Variants in GRIK2 observed in about 807,000 individuals in gnomAD.
GRIK2 encodes the protein glutamate receptor ionotropic, kainate 2.
In GRIK2, 32 loss-of-function variants were observed where a neutral mutation model predicts 100.3. The observed-to-expected ratio is 0.32, with a 90% CI of 0.24 to 0.43. The LOEUF is 0.43. GRIK2 is among the 20% of genes least tolerant of loss of function. The pLI is 1.00. For missense variants in GRIK2, 843 were observed against 1,114.9 expected (o/e 0.76, Z 3.47); for synonymous variants, 417 against 389.4 (o/e 1.07, Z -0.83).
At chr6:101,791,288 A>C (rs564518431) in intron 7 of GRIK2, among the ~76,000 whole-genome samples, 2 of 151,838 alleles carry the variant, frequency 1.3e-5, no homozygotes, top group Admixed American at 6.6e-5. Flanking sequence ...TGGTTCTTTT[A>C]ATTGTGATGT....
intron 2 of GRIK2, among the ~76,000 whole-genome samples, chr6:101,462,312 C>A (rs1166336181): frequency 6.6e-6 from 1 of 152,022 alleles, no homozygotes; most frequent in Admixed American, 6.6e-5. Flanking sequence ...GATGACTGAC[C>A]ATGGGGAGTG....
chr6:101,761,740 C>T (rs1273857584), intron 7 of GRIK2, among the ~76,000 whole-genome samples: 1 of 151,590 alleles, frequency 6.6e-6, no homozygotes, highest in African/African-American at 2.4e-5. Context: ...AAGATTTTAC[C>T]TAATCAGATT....
Position 101,718,622 on chromosome 6 carries a change from A to T in GRIK2, c.951+32269A>T, listed in dbSNP as rs561068340. Among the ~76,000 whole-genome samples the T allele has an allele frequency of 1.4e-4, 21 of 152,036 alleles. No homozygotes were observed. The South Asian group carries it at 4.4e-3, about 32-fold the overall frequency. On this transcript the variant is annotated intron_variant, in intron 7 of 16. Coordinates refer to ENST00000369134, the MANE Select transcript of GRIK2 (RefSeq NM_021956.5). ...ATCTAGACTGTGTCCCTTCCAGTGTATTGTGAAAAATCTTCGAGAGATCAT... is the reference window on the plus strand; with the variant it reads ...ATCTAGACTGTGTCCCTTCCAGTGTTTTGTGAAAAATCTTCGAGAGATCAT...
At chr6:101,741,186 G>A (rs1480562936) in intron 7 of GRIK2, among the ~76,000 whole-genome samples, 4 of 152,172 alleles carry the variant, frequency 2.6e-5, no homozygotes, top group African/African-American at 9.7e-5. Flanking sequence ...ACTGAGGTAT[G>A]GCCTAAGTGT....
intron 12 of GRIK2, among the ~76,000 whole-genome samples, chr6:101,919,065 A>T (rs2128468371): frequency 6.6e-6 from 1 of 151,874 alleles, no homozygotes; most frequent in South Asian, 2.1e-4. Flanking sequence ...GGGCCAGTCT[A>T]CATAATAGTT....
intron 2 of GRIK2, among the ~76,000 whole-genome samples, chr6:101,406,086 T>C (rs2128236843): frequency 6.6e-6 from 1 of 152,288 alleles, no homozygotes. Flanking sequence ...TATTTGCCTC[T>C]TGCCTCACAC....
At chr6:102,025,877 TA>T (rs1769670280) in intron 14 of GRIK2, among the ~76,000 whole-genome samples, 1 of 150,858 alleles carries the variant, frequency 6.6e-6, no homozygotes, top group South Asian at 2.1e-4. Flanking sequence ...AATTATTAAA[TA>T]GAATAAGTTG....
At chr6:101,912,572 C>T (rs1788813608) in intron 12 of GRIK2, among the ~76,000 whole-genome samples, 1 of 151,542 alleles carries the variant, frequency 6.6e-6, no homozygotes, top group Non-Finnish European at 1.5e-5. Context: ...CATTGATAGC[C>T]AAAATCCTGC....
chr6:101,848,301 T>C (rs911555795), intron 10 of GRIK2, among the ~76,000 whole-genome samples: 11 of 149,788 alleles, frequency 7.3e-5, no homozygotes, highest in African/African-American at 2.7e-4. Context: ...TAAAAATTGA[T>C]TCTGATGGTT....
At chr6:101,734,991 A>C (rs1356535357) in intron 7 of GRIK2, among the ~76,000 whole-genome samples, 2 of 152,108 alleles carry the variant, frequency 1.3e-5, no homozygotes, top group Non-Finnish European at 2.9e-5. Flanking sequence ...ATATGAGGAG[A>C]GAATAAAAGG....
At chr6:101,727,970 A>G (rs528889960) in intron 7 of GRIK2, among the ~76,000 whole-genome samples, 78 of 152,198 alleles carry the variant, frequency 5.1e-4, no homozygotes, top group Middle Eastern at 3.4e-3. Context: ...TAAATGCATC[A>G]AAGCCTAATT....
At chr6:101,596,334 A>T (rs1322257171) in intron 2 of GRIK2, among the ~76,000 whole-genome samples, 1 of 151,072 alleles carries the variant, frequency 6.6e-6, no homozygotes, top group Non-Finnish European at 1.5e-5. Context: ...ATCACCTAGA[A>T]ATTTACCTTT....
rs1783380150 is a variant in GRIK2 at position 101,839,753 on chromosome 6, GA to G, written c.1318-19532del. 3.3e-5 allele frequency among the ~76,000 whole-genome samples: 5 copies of G among 152,220 alleles called. No individual in the cohort carries two copies. The South Asian group carries it at 8.3e-4, about 25-fold the overall frequency. On this transcript the variant is annotated intron_variant, in intron 10 of 16. Transcript: ENST00000369134. ...TTTGTAAGATATATGGGGGAAAAAT[GA>G]AGAATATATCATTTGCAAATTGGAC...
intron 14 of GRIK2, among the ~76,000 whole-genome samples, chr6:101,979,253 G>C (rs1793576452): frequency 6.6e-6 from 1 of 151,988 alleles, no homozygotes; most frequent in South Asian, 2.1e-4. Context: ...TTTAGTAATG[G>C]CAATGCTCAG....
At chr6:101,789,953 A>T (rs1438950333) in intron 7 of GRIK2, among the ~76,000 whole-genome samples, 1 of 152,068 alleles carries the variant, frequency 6.6e-6, no homozygotes, top group Non-Finnish European at 1.5e-5. Flanking sequence ...TAAGTATTTT[A>T]TTCTCTTTGA....
chr6:101,985,497 C>T (rs1793970708), intron 14 of GRIK2, among the ~76,000 whole-genome samples: 1 of 151,588 alleles, frequency 6.6e-6, no homozygotes, highest in African/African-American at 2.4e-5. Context: ...GAACTTGTGC[C>T]TTCTGATATA....
chr6:101,803,431 G>A (rs1780796515), intron 9 of GRIK2, among the ~76,000 whole-genome samples: 1 of 151,732 alleles, frequency 6.6e-6, no homozygotes, highest in Non-Finnish European at 1.5e-5. Context: ...TGATAGAGCT[G>A]TTACCTCCTG....
At chr6:101,859,521 GT>G (rs759451147) in intron 11 of GRIK2, 28 bp downstream of exon 11, 1 of 1,243,446 alleles carries the variant, frequency 8.0e-7, no homozygotes, top group East Asian at 2.3e-5. Context: ...TGATTTATTA[GT>G]TTGTTATGTT....
intron 9 of GRIK2, among the ~76,000 whole-genome samples, chr6:101,809,627 A>G (rs1781207852): frequency 6.6e-6 from 1 of 152,032 alleles, no homozygotes; most frequent in South Asian, 2.1e-4. Context: ...CCAGGAACTG[A>G]GATTTATCTT....
Sources: allele counts gnomAD v4.1 joint callset (sites outside exome capture counted in the v4.1 genomes callset), GRCh38; gene constraint gnomAD v4.1.1; transcripts MANE v1.5; gene names NCBI Gene and HGNC (gene_info 2026-07-23, HGNC 2026-07-21).